Variants in XYLT1 observed in about 807,000 individuals in gnomAD.
The protein encoded by XYLT1 is xylosyltransferase 1, also known as beta-D-xylosyltransferase 1.
A neutral mutation model predicts 91.3 loss-of-function variants in XYLT1; 36 were observed. That is an observed-to-expected ratio of 0.39 (90% CI 0.30 to 0.52). XYLT1 has a LOEUF of 0.52. Ranked by LOEUF, XYLT1 falls within the 20% of genes least tolerant of loss-of-function variation. The pLI, the probability that XYLT1 is intolerant of heterozygous loss-of-function variation, is 0.68. For missense variants in XYLT1, 1,242 were observed against 1,284.5 expected, an observed-to-expected ratio of 0.97 and a Z score of 0.51; for synonymous variants, 588 against 532.0, an observed-to-expected ratio of 1.11 and a Z score of -1.45.
chr16:17,262,229 G>A (rs1410721029), intron 2 of XYLT1, among the ~76,000 whole-genome samples: 1 of 152,160 alleles, frequency 6.6e-6, no homozygotes, highest in Non-Finnish European at 1.5e-5. Context: ...TAGGTGCCAT[G>A]CTAAGCCCTT....
intron 1 of XYLT1, among the ~76,000 whole-genome samples, chr16:17,381,574 G>T (rs960036760): frequency 4.6e-5 from 7 of 151,772 alleles, no homozygotes; most frequent in African/African-American, 7.3e-5. Context: ...TTACAGGCAT[G>T]CACCACCATG....
chr16:17,452,231 G>A (rs1417996053), intron 1 of XYLT1, among the ~76,000 whole-genome samples: 1 of 150,676 alleles, frequency 6.6e-6, no homozygotes, highest in Non-Finnish European at 1.5e-5. Context: ...TTTGCATTCT[G>A]TTTTGTGAAT....
chr16:17,208,230 C>CCCTT (rs4071573), intron 3 of XYLT1, among the ~76,000 whole-genome samples: 123,620 of 151,268 alleles, frequency 0.82, 50,752 homozygotes, highest in East Asian at 1. Flanking sequence ...AAGCAATCCT[C>CCCTT]CCTTAGCCTC....
At chr16:17,254,996 C>CTTTTTTTTTTTTTTTTT (rs34553607) in intron 3 of XYLT1, among the ~76,000 whole-genome samples, 2 of 113,352 alleles carry the variant, frequency 1.8e-5, no homozygotes, top group Admixed American at 1.9e-4. Flanking sequence ...TTTTCTTTTT[C>CTTTTTTTTTTTTTTTTT]TTTTTTTTTT....
intron 1 of XYLT1, among the ~76,000 whole-genome samples, chr16:17,360,367 A>T (rs1234481192): frequency 6.6e-6 from 1 of 152,212 alleles, no homozygotes; most frequent in Non-Finnish European, 1.5e-5. Context: ...GTGTTGACAA[A>T]ATCAAAAGCC....
intron 2 of XYLT1, among the ~76,000 whole-genome samples, chr16:17,329,901 T>C (rs1338557040): frequency 2.6e-5 from 4 of 152,158 alleles, no homozygotes; most frequent in African/African-American, 7.2e-5. Flanking sequence ...AGGCTAAAAA[T>C]AGCATAGGTT....
chr16:17,120,483 A>G (rs528350797), intron 10 of XYLT1, among the ~76,000 whole-genome samples: 10 of 152,042 alleles, frequency 6.6e-5, no homozygotes, highest in Admixed American at 2.0e-4. Context: ...TCTTCTGGCC[A>G]TGATCCGCCT....
chr16:17,216,283 C>A (rs2032858694), intron 3 of XYLT1, among the ~76,000 whole-genome samples: 1 of 152,200 alleles, frequency 6.6e-6, no homozygotes, highest in Non-Finnish European at 1.5e-5. Flanking sequence ...GAGGAGGGAA[C>A]AACTCTTATT....
intron 6 of XYLT1, among the ~76,000 whole-genome samples, chr16:17,148,998 T>C (rs2031211716): frequency 2.0e-5 from 3 of 152,194 alleles, no homozygotes; most frequent in Admixed American, 1.3e-4. Flanking sequence ...CTGATATTTT[T>C]ACCTATTAGC....
chr16:17,465,895 AG>A (rs1377955867), intron 1 of XYLT1, among the ~76,000 whole-genome samples: 2 of 152,202 alleles, frequency 1.3e-5, no homozygotes, highest in Non-Finnish European at 2.9e-5. Context: ...GAGGTAGCTC[AG>A]ATTCACAGAG....
intron 2 of XYLT1, among the ~76,000 whole-genome samples, chr16:17,347,618 T>C (rs1268333029): frequency 6.6e-6 from 1 of 152,214 alleles, no homozygotes; most frequent in Non-Finnish European, 1.5e-5. Context: ...CACTGTCCCA[T>C]GGTCTCCATT....
intron 3 of XYLT1, among the ~76,000 whole-genome samples, chr16:17,257,666 C>T (rs1481213697): frequency 1.3e-5 from 2 of 152,128 alleles, no homozygotes; most frequent in Non-Finnish European, 2.9e-5. Context: ...GTTCTCTCTA[C>T]TCTGAGTGGG....
intron 1 of XYLT1, among the ~76,000 whole-genome samples, chr16:17,358,695 A>C (rs1455270577): frequency 1.3e-5 from 2 of 152,242 alleles, no homozygotes; most frequent in African/African-American, 4.8e-5. Flanking sequence ...CAAAGAGCTC[A>C]ACGTGTATCC....
intron 10 of XYLT1, among the ~76,000 whole-genome samples, chr16:17,124,318 T>G (rs2030180433): frequency 1.3e-5 from 2 of 152,330 alleles, no homozygotes; most frequent in South Asian, 4.1e-4. Context: ...AGTGCTGGCT[T>G]GGTAGTGGTG....
At position 17,377,697 on chromosome 16, in the gene XYLT1, G is replaced by A. The variant is rs12708819; in HGVS notation, c.364-19647C>T. Among the ~76,000 whole-genome samples, 116 of 152,026 alleles carry A rather than the reference G, an allele frequency of 7.6e-4. 1 individual carries two copies. The East Asian group carries it at 0.017, about 22-fold the overall frequency. ...TAACCAGAATAGTCAGGGAGTCCTC[G>A]AAACCCAGACATGACTTATTTTCTA... On this transcript the variant is annotated intron_variant, in intron 1 of 11. Coordinates refer to ENST00000261381, the MANE Select transcript of XYLT1 (RefSeq NM_022166.4).
At chr16:17,444,152 G>A (rs1021693600) in intron 1 of XYLT1, among the ~76,000 whole-genome samples, 4 of 152,122 alleles carry the variant, frequency 2.6e-5, no homozygotes, top group African/African-American at 7.2e-5. Context: ...GTGTAAGTGC[G>A]AATATCACCT....
At chr16:17,443,458 C>T (rs1596548644) in intron 1 of XYLT1, among the ~76,000 whole-genome samples, 2 of 152,262 alleles carry the variant, frequency 1.3e-5, no homozygotes, top group South Asian at 4.1e-4. Context: ...TTAAAACTGA[C>T]AGTTTCCCCT....
At chr16:17,178,702 C>T (rs969121391) in intron 5 of XYLT1, among the ~76,000 whole-genome samples, 15 of 152,292 alleles carry the variant, frequency 9.8e-5, no homozygotes, top group Admixed American at 4.6e-4. Context: ...AGTATTACAA[C>T]AGCAGAGTTT....
intron 2 of XYLT1, among the ~76,000 whole-genome samples, chr16:17,356,028 C>A (rs991397691): frequency 6.6e-6 from 1 of 151,864 alleles, no homozygotes; most frequent in Non-Finnish European, 1.5e-5. Context: ...CCAGATAATT[C>A]TTTCCAGTGG....
Sources: allele counts gnomAD v4.1 joint callset (sites outside exome capture counted in the v4.1 genomes callset), GRCh38; gene constraint gnomAD v4.1.1; transcripts MANE v1.5; gene names NCBI Gene and HGNC (gene_info 2026-07-23, HGNC 2026-07-21).